The following PTPRQ variants were observed in gnomAD, a reference collection of about 807,000 sequenced individuals.
PTPRQ encodes protein tyrosine phosphatase receptor type Q.
PTPRQ carries 199 observed loss-of-function variants against 246.0 expected under a neutral mutation model. The ratio of observed to expected loss-of-function variants is 0.81; its 90% confidence interval spans 0.72 to 0.91. The LOEUF (loss-of-function observed/expected upper bound fraction) is 0.91, where lower values mean the gene tolerates loss of function less well. Among genes scored for constraint, PTPRQ ranks in the 40% least tolerant of loss-of-function variants. PTPRQ has a pLI of 0.00. For synonymous variants in PTPRQ, 869 were observed against 853.2 expected (o/e 1.02, Z -0.32); for missense variants, 2,624 against 2,528.4 (o/e 1.04, Z -0.81).
At chr12:80,611,618 T>A (rs1245859931) in intron 28 of PTPRQ, among the ~76,000 whole-genome samples, 1 of 150,336 alleles carries the variant, frequency 6.7e-6, no homozygotes, top group African/African-American at 2.4e-5. Flanking sequence ...CATAAAGCAT[T>A]GTTTGTCAAA....
intron 26 of PTPRQ, among the ~76,000 whole-genome samples, chr12:80,595,130 T>C (rs1441274195): frequency 1.3e-5 from 2 of 152,146 alleles, no homozygotes; most frequent in Non-Finnish European, 2.9e-5. Context: ...TTTCGCTATG[T>C]TTTTAAGTAT....
Position 80,588,323 on chromosome 12 carries a change from G to A in PTPRQ, c.4480G>A (p.Ala1494Thr). 6.4e-7 allele frequency: 1 copy of A among 1,551,450 alleles called. No individual in the cohort carries two copies. The highest frequency in any genetic ancestry group is 2.4e-5 in the East Asian group (1 of 40,888). Residue 1494 changes from alanine to threonine, a missense_variant, in exon 26 of 45, where the codon GCT (alanine) becomes ACT (threonine). Ala to Thr is a moderately conservative substitution (Grantham distance 58, BLOSUM62 0). Transcript: ENST00000644991. Reference sequence around the variant, plus strand: ...TCAAAAAATTCAATACCTCTATGAAGCTCACTTAACTGAAGAGACAGTATA... The same window carrying A: ...TCAAAAAATTCAATACCTCTATGAAACTCACTTAACTGAAGAGACAGTATA... The part of the protein sequence containing the change: ...EYQKIQYLYE[A>T]HLTEETVYGL...
At chr12:80,673,811 G>A (rs1463850139) in intron 43 of PTPRQ, among the ~76,000 whole-genome samples, 1 of 151,540 alleles carries the variant, frequency 6.6e-6, no homozygotes, top group Non-Finnish European at 1.5e-5. Flanking sequence ...TTGTTGTTTT[G>A]GCTTATAGGC....
intron 35 of PTPRQ, among the ~76,000 whole-genome samples, chr12:80,638,798 C>A (rs529973296): frequency 6.6e-6 from 1 of 152,152 alleles, no homozygotes; most frequent in East Asian, 1.9e-4. Flanking sequence ...ACTAAAATAA[C>A]GTTTTAAATT....
chr12:80,533,980 AT>A, intron 17 of PTPRQ, 34 bp from the exon 18 acceptor site: 1 of 1,400,006 alleles, frequency 7.1e-7, no homozygotes, highest in East Asian at 2.9e-5. Context: ...AACTTTTAAA[AT>A]TCAATTCTAC....
rs1893529198 is a variant in PTPRQ at position 80,468,788 on chromosome 12, C to T, written c.989C>T (p.Thr330Ile). 1 of 1,550,120 alleles carries T rather than the reference C, an allele frequency of 6.5e-7. No individual in the cohort carries two copies. Among genetic ancestry groups the T allele is most frequent in the African/African-American group, 1.4e-5 (1 of 72,996 alleles). The change falls in exon 7 of 45, where the codon ACT (threonine) becomes ATT (isoleucine). Residue 330 changes from threonine (T) to isoleucine (I), a missense_variant. By Grantham distance (89) the Thr-to-Ile change is moderately conservative. Coordinates refer to ENST00000644991, the MANE Select transcript of PTPRQ (RefSeq NM_001145026.2). ...TTTTCAATTTTATGGGACCCACCAA[C>T]TATAGTAACAGGGAAATTTAGTTAT... Reference protein sequence around the residue: ...KSFSILWDPPTIVTGKFSYRV... With the variant: ...KSFSILWDPPIIVTGKFSYRV...
intron 32 of PTPRQ, among the ~76,000 whole-genome samples, chr12:80,621,520 T>C (rs1356827346): frequency 6.6e-6 from 1 of 152,002 alleles, no homozygotes; most frequent in Admixed American, 6.6e-5. Flanking sequence ...AAGCTTGATC[T>C]TCTTCTGTAT....
chr12:80,639,939 G>A (rs1053558709), intron 35 of PTPRQ, among the ~76,000 whole-genome samples: 4 of 151,824 alleles, frequency 2.6e-5, no homozygotes, highest in Non-Finnish European at 5.9e-5. Flanking sequence ...GATAGGACAG[G>A]TTTATGTAAA....
intron 33 of PTPRQ, among the ~76,000 whole-genome samples, chr12:80,624,886 G>T (rs535694669): frequency 6.6e-6 from 1 of 152,162 alleles, no homozygotes; most frequent in African/African-American, 2.4e-5. Context: ...ACTAACAATA[G>T]CCGATGAACC....
chr12:80,658,390 A>T (rs933358364), intron 39 of PTPRQ, among the ~76,000 whole-genome samples: 1 of 152,086 alleles, frequency 6.6e-6, no homozygotes, highest in Admixed American at 6.6e-5. Context: ...TGAATTAAAA[A>T]TTATCAAATG....
At chr12:80,496,142 A>G in intron 13 of PTPRQ, 36 bp downstream of exon 13, 2 of 1,543,812 alleles carry the variant, frequency 1.3e-6, no homozygotes, top group Non-Finnish European at 1.7e-6. Flanking sequence ...TTTTTTTAAA[A>G]AAGTGGTTGT....
intron 35 of PTPRQ, among the ~76,000 whole-genome samples, chr12:80,641,251 C>G (rs544697847): frequency 1.3e-5 from 2 of 152,132 alleles, no homozygotes; most frequent in African/African-American, 4.8e-5. Context: ...AGCAGAATAT[C>G]AGCACTAGCA....
At position 80,510,455 on chromosome 12, in the gene PTPRQ, T is replaced by G; in HGVS notation, c.2678+12T>G. ...ACAGTTTATGTCTGGTAATAATTTT[T>G]TTTTTGGAAATAGTTCTGAGAACAG... On this transcript the variant is annotated intron_variant, in intron 17 of 44. Transcript: ENST00000644991. The G allele has an allele frequency of 1.3e-6, 2 of 1,526,776 alleles. No individual in the cohort carries two copies. The highest frequency in any genetic ancestry group is 1.8e-6 in the Non-Finnish European group (2 of 1,134,662). The allele number at this position is 1,526,776 out of a possible 1,614,324, so 94.6% of individuals were successfully genotyped here.
chr12:80,646,651 GAGTGCCC>G (rs1900085462), intron 35 of PTPRQ, among the ~76,000 whole-genome samples: 1 of 152,098 alleles, frequency 6.6e-6, no homozygotes, highest in African/African-American at 2.4e-5. Context: ...TGCGAATGTT[GAGTGCCC>G]AGGCGATGTG....
chr12:80,453,186 G>A (rs868405662), intron 3 of PTPRQ, among the ~76,000 whole-genome samples: 58 of 152,090 alleles, frequency 3.8e-4, no homozygotes, highest in Middle Eastern at 3.4e-3. Flanking sequence ...CATTCTTCAC[G>A]TAGTTTTCGA....
rs1352275267 is a variant in PTPRQ, at chr12:80,479,618, T to G, written c.1187-4815T>G. ...AGAGTCAAGACCCATCAGTGTGCTG[T>G]ATTCAGGAAACCCATCTCACGTGCA... On this transcript the variant is annotated intron_variant, in intron 8 of 44. Coordinates refer to ENST00000644991, the MANE Select transcript of PTPRQ (RefSeq NM_001145026.2). Among the ~76,000 whole-genome samples the G allele has an allele frequency of 4.2e-5, 6 of 141,866 alleles. No homozygotes were observed. The East Asian group carries it at 1.2e-3, about 28-fold the overall frequency. 93.1% of individuals were successfully genotyped at this position (141,866 alleles called of 152,430 possible).
At chr12:80,607,970 T>C (rs146181426) in intron 27 of PTPRQ, among the ~76,000 whole-genome samples, 2,280 of 150,852 alleles carry the variant, frequency 0.015, 50 homozygotes, top group South Asian at 0.072. Context: ...CAGCTAATTA[T>C]AGAGTTTGAG....
chr12:80,560,039 T>G (rs1238040882), intron 25 of PTPRQ, among the ~76,000 whole-genome samples: 1 of 152,140 alleles, frequency 6.6e-6, no homozygotes, highest in Non-Finnish European at 1.5e-5. Context: ...TAAAAGAATT[T>G]GGGGAAACGA....
chr12:80,677,121 T>C (rs894529105), intron 43 of PTPRQ, among the ~76,000 whole-genome samples: 4 of 152,162 alleles, frequency 2.6e-5, no homozygotes, highest in Non-Finnish European at 5.9e-5. Flanking sequence ...TTCTTTCCAG[T>C]GGAGAAGATG....
Sources: allele counts gnomAD v4.1 joint callset (sites outside exome capture counted in the v4.1 genomes callset), GRCh38; gene constraint gnomAD v4.1.1; transcripts MANE v1.5; gene names NCBI Gene and HGNC (gene_info 2026-07-23, HGNC 2026-07-21).